The following SUFU variants were observed in gnomAD, a reference collection of about 807,000 sequenced individuals.
SUFU encodes suppressor of fused homolog.
In SUFU, 7 loss-of-function variants were observed where a neutral mutation model predicts 58.9. The ratio of observed to expected loss-of-function variants is 0.12; its 90% CI spans 0.07 to 0.22. The LOEUF (loss-of-function observed/expected upper bound fraction) is 0.22. Ranked by LOEUF, SUFU falls within the 10% of genes least tolerant of loss-of-function variation. SUFU has a pLI of 1.00. For synonymous variants in SUFU, 232 were observed against 254.8 expected, an observed-to-expected ratio of 0.91 and a Z score of 0.85; for missense variants, 451 against 641.3, an observed-to-expected ratio of 0.70 and a Z score of 3.20.
Position 102,593,633 on chromosome 10 carries a change from C to G in SUFU, c.598-3C>G. 1 of 1,614,154 alleles carries G rather than the reference C, an allele frequency of 6.2e-7. No homozygotes were observed. Among genetic ancestry groups the G allele is most frequent in the African/African-American group, 1.3e-5 (1 of 75,016 alleles). On this transcript the variant is annotated splice_polypyrimidine_tract_variant and splice_region_variant and intron_variant, in intron 4 of 11. Transcript: ENST00000369902. ...ACAATGGGCTTTCTATCCTGGGCCT[C>G]AGATCGTTGGTGTCTGCACTGAAGA...
chr10:102,522,010 A>G (rs192174641), intron 2 of SUFU, among the ~76,000 whole-genome samples: 48 of 152,328 alleles, frequency 3.2e-4, no homozygotes, highest in Non-Finnish European at 5.7e-4. Flanking sequence ...ACGCTGTCCC[A>G]GTTGTGCACA....
chr10:102,579,369 A>G (rs1406248812), intron 3 of SUFU, among the ~76,000 whole-genome samples: 2 of 152,048 alleles, frequency 1.3e-5, no homozygotes, highest in African/African-American at 2.4e-5. Flanking sequence ...AGCCCCCTAC[A>G]CTCGCTTTGG....
intron 2 of SUFU, among the ~76,000 whole-genome samples, chr10:102,544,533 T>G (rs904847005): frequency 1.3e-5 from 2 of 152,108 alleles, no homozygotes; most frequent in Admixed American, 6.6e-5. Flanking sequence ...AAACCCTATT[T>G]CTAGTAAAAA....
rs41287466 is a variant in SUFU, at chr10:102,631,830, G to A, written c.*1675G>A. On this transcript the variant is annotated 3_prime_UTR_variant, in exon 12 of 12. Transcript: ENST00000369902. ...AATTCCATCAAGCTCAGAGTTAAAAGGCATATCAGCCTGGAGTATTTGGGA... is the reference window on the plus strand; with the variant it reads ...AATTCCATCAAGCTCAGAGTTAAAAAGCATATCAGCCTGGAGTATTTGGGA... The A allele has an allele frequency of 0.032, 7,371 of 233,322 alleles. 184 individuals are homozygous for A. The highest frequency in any genetic ancestry group is 0.045 in the Non-Finnish European group (5,264 of 118,094). 14.5% of individuals were successfully genotyped at this position (233,322 alleles called of 1,614,324 possible). A position where few individuals can be genotyped will look rare whatever the true frequency, so the allele number is the denominator to read the frequency against.
rs117680947 is a variant in SUFU at position 102,600,353 on chromosome 10, C to T, written c.1022+809C>T. ...GATCATCCTGCAAGACCAGGGTGATCTAGCCTTCTTCTATGAAGTCTTTAT... is the reference window on the plus strand; with the variant it reads ...GATCATCCTGCAAGACCAGGGTGATTTAGCCTTCTTCTATGAAGTCTTTAT... On this transcript the variant is annotated intron_variant, in intron 8 of 11. Coordinates refer to ENST00000369902, the MANE Select transcript of SUFU (RefSeq NM_016169.4). Among the ~76,000 whole-genome samples the T allele has an allele frequency of 1.1e-3, 163 of 152,316 alleles. 4 individuals carry two copies. The East Asian group carries it at 0.024, about 23-fold the overall frequency.
intron 8 of SUFU, among the ~76,000 whole-genome samples, chr10:102,608,410 G>T (rs952268542): frequency 1.3e-5 from 2 of 152,202 alleles, no homozygotes; most frequent in African/African-American, 4.8e-5. Flanking sequence ...ACCCTGCCCA[G>T]TGAAAAGAAA....
chr10:102,529,055 C>T (rs1225060824), intron 2 of SUFU, among the ~76,000 whole-genome samples: 1 of 145,960 alleles, frequency 6.9e-6, no homozygotes, highest in South Asian at 2.1e-4. Context: ...TAACTGGAGG[C>T]TTAAAAGCTT....
chr10:102,582,092 A>G (rs1261086593), intron 3 of SUFU, among the ~76,000 whole-genome samples: 1 of 152,188 alleles, frequency 6.6e-6, no homozygotes, highest in Non-Finnish European at 1.5e-5. Context: ...GAGCACGCAG[A>G]AGAGCACCTG....
At chr10:102,535,930 A>AGATGATGATGATGAT (rs36203045) in intron 2 of SUFU, among the ~76,000 whole-genome samples, 7 of 148,720 alleles carry the variant, frequency 4.7e-5, no homozygotes, top group South Asian at 2.2e-4. Flanking sequence ...TCTAGGCTGG[A>AGATGATGATGATGAT]GATGATGATG....
intron 2 of SUFU, among the ~76,000 whole-genome samples, chr10:102,543,048 C>T (rs2062820661): frequency 6.6e-6 from 1 of 152,152 alleles, no homozygotes; most frequent in Non-Finnish European, 1.5e-5. Flanking sequence ...TAGGTGATTT[C>T]CAGTATTTTG....
chr10:102,583,742 C>T (rs773825504), intron 3 of SUFU, among the ~76,000 whole-genome samples: 1 of 151,726 alleles, frequency 6.6e-6, no homozygotes, highest in Non-Finnish European at 1.5e-5. Flanking sequence ...TTTTAGGGTA[C>T]ATGTGCACAA....
At chr10:102,561,141 C>G (rs10883737) in intron 3 of SUFU, among the ~76,000 whole-genome samples, 16,059 of 152,192 alleles carry the variant, frequency 0.11, 1,295 homozygotes, top group East Asian at 0.42. Flanking sequence ...CTGCACCCAG[C>G]CTTACCGGAG....
At chr10:102,610,629 C>T (rs752908798) in intron 8 of SUFU, among the ~76,000 whole-genome samples, 8 of 152,120 alleles carry the variant, frequency 5.3e-5, no homozygotes, top group South Asian at 2.1e-4. Flanking sequence ...GATGTCAGTC[C>T]GTCAGCCTGT....
chr10:102,630,146 G>A lies in SUFU; in HGVS notation c.1446G>A (p.Pro482=), dbSNP rs761389038. Residue 482 remains proline, a synonymous_variant, in exon 12 of 12, where the codon CCG becomes CCA. Coordinates refer to ENST00000369902, the MANE Select transcript of SUFU (RefSeq NM_016169.4). ...SILPDVVFDS[P]LH Reference sequence around the variant, plus strand: ...TGCCTGACGTGGTGTTCGACAGTCCGCTACACTAGCCTGGGCTGGGCCCTG... The same window carrying A: ...TGCCTGACGTGGTGTTCGACAGTCCACTACACTAGCCTGGGCTGGGCCCTG... 4.0e-5 allele frequency: 64 copies of A among 1,614,016 alleles called. No homozygotes were observed. Among genetic ancestry groups the A allele is most frequent in the Non-Finnish European group, 4.7e-5 (56 of 1,179,992 alleles).
intron 2 of SUFU, among the ~76,000 whole-genome samples, chr10:102,519,248 G>C (rs1444672706): frequency 6.6e-6 from 1 of 151,746 alleles, no homozygotes; most frequent in African/African-American, 2.4e-5. Context: ...AACCAGGCTG[G>C]GCATGGTGGC....
intron 2 of SUFU, among the ~76,000 whole-genome samples, chr10:102,539,795 T>C (rs966099932): frequency 2.0e-5 from 3 of 152,216 alleles, no homozygotes; most frequent in Non-Finnish European, 2.9e-5. Context: ...CATATCTATA[T>C]ATTATCTATA....
intron 2 of SUFU, among the ~76,000 whole-genome samples, chr10:102,529,656 C>T (rs1166311664): frequency 6.6e-6 from 1 of 151,362 alleles, no homozygotes; most frequent in Admixed American, 6.6e-5. Flanking sequence ...CAGAGTGAGA[C>T]TTTATCTCTA....
At chr10:102,612,279 C>T (rs980252958) in intron 8 of SUFU, among the ~76,000 whole-genome samples, 1 of 151,940 alleles carries the variant, frequency 6.6e-6, no homozygotes, top group Admixed American at 6.6e-5. Flanking sequence ...AATACCCAAG[C>T]TCCAGGACTG....
intron 3 of SUFU, among the ~76,000 whole-genome samples, chr10:102,571,096 A>G (rs1052802975): frequency 2.0e-5 from 3 of 152,236 alleles, no homozygotes; most frequent in Admixed American, 2.0e-4. Context: ...TTACACAGTA[A>G]GAAAATCGTA....
Sources: gnomAD v4.1 joint callset for allele counts (sites outside exome capture counted in the v4.1 genomes callset) on GRCh38, gnomAD v4.1.1 for gene constraint, MANE v1.5 for transcripts, NCBI Gene and HGNC (gene_info 2026-07-23, HGNC 2026-07-21) for gene names.